Variants in HMGCLL1 observed in about 807,000 individuals in gnomAD.
The protein encoded by HMGCLL1 is 3-hydroxy-3-methylglutaryl-CoA lyase like 1, also known as 3-hydroxymethyl-3-methylglutaryl-CoA lyase, cytoplasmic.
HMGCLL1 carries 36 observed loss-of-function variants against 39.1 expected under a neutral mutation model. The ratio of observed to expected loss-of-function variants is 0.92; its 90% confidence interval spans 0.71 to 1.22. HMGCLL1 has a LOEUF of 1.22. Among genes scored for constraint, HMGCLL1 ranks in the 50% most tolerant of loss-of-function variants. The pLI is 0.00. For missense variants in HMGCLL1, 451 were observed against 416.5 expected, an observed-to-expected ratio of 1.08 and a Z score of -0.72; for synonymous variants, 149 against 144.0, an observed-to-expected ratio of 1.03 and a Z score of -0.25.
rs181135747 is a variant in HMGCLL1, at chr6:55,478,173, T to C, written c.795+17246A>G. Among the ~76,000 whole-genome samples the C allele has an allele frequency of 4.2e-3, 640 of 151,182 alleles. 28 individuals carry two copies. Among genetic ancestry groups the C allele is most frequent in the African/African-American group, 0.015 (603 of 40,910 alleles). ...TTCAAATATGTTGGCATAACCTTTT[T>C]ACAATAATCTCTTGTTACATTTTGA... On this transcript the variant is annotated intron_variant, in intron 7 of 8. Coordinates refer to ENST00000274901, the MANE Select transcript of HMGCLL1 (RefSeq NM_001042406.2).
chr6:55,596,394 A>G, the HMGCLL1 span, among the ~76,000 whole-genome samples: 10 of 152,196 alleles, frequency 6.6e-5, no homozygotes, highest in Non-Finnish European at 1.3e-4. Context: ...AATTAGCACC[A>G]AAGGCTTCAG....
chr6:55,617,630 G>A, the HMGCLL1 span, among the ~76,000 whole-genome samples: 1 of 152,040 alleles, frequency 6.6e-6, no homozygotes, highest in Non-Finnish European at 1.5e-5. Flanking sequence ...ATTAAACACC[G>A]TTGGTTGGCG....
the HMGCLL1 span, among the ~76,000 whole-genome samples, chr6:55,638,633 TC>T: frequency 6.6e-6 from 1 of 152,118 alleles, no homozygotes; most frequent in Non-Finnish European, 1.5e-5. Flanking sequence ...GTTTTGAAAG[TC>T]ATGTTGTCTT....
Position 55,480,928 on chromosome 6 carries a change from A to C in HMGCLL1, c.795+14491T>G, listed in dbSNP as rs911708838. 4.6e-5 allele frequency among the ~76,000 whole-genome samples: 7 copies of C among 152,286 alleles called. No homozygotes were observed. The East Asian group carries it at 1.4e-3, about 29-fold the overall frequency. ...TCTCACTTACTTGTGGGAGCTAAAA[A>C]TTAAAACAATTGAGCTCATAGAGAT... is the stretch of plus-strand genomic sequence containing the variant. On this transcript the variant is annotated intron_variant, in intron 7 of 8. Transcript: ENST00000274901.
intron 3 of HMGCLL1, among the ~76,000 whole-genome samples, chr6:55,535,598 T>G (rs939198767): frequency 6.6e-6 from 1 of 152,136 alleles, no homozygotes; most frequent in Non-Finnish European, 1.5e-5. Flanking sequence ...TAATTTGGTT[T>G]AAGTCTCCCT....
chr6:55,461,532 G>A (rs1764566113), intron 7 of HMGCLL1, among the ~76,000 whole-genome samples: 1 of 151,990 alleles, frequency 6.6e-6, no homozygotes, highest in Admixed American at 6.6e-5. Context: ...CTTGGAATAA[G>A]GTAAGAACAA....
At chr6:55,548,437 A>C (rs1439598562) in intron 1 of HMGCLL1, among the ~76,000 whole-genome samples, 1 of 152,104 alleles carries the variant, frequency 6.6e-6, no homozygotes, top group Admixed American at 6.6e-5. Flanking sequence ...GAACACTTGA[A>C]TCAATCAAGA....
chr6:55,524,015 T>C (rs1405684071), intron 3 of HMGCLL1, among the ~76,000 whole-genome samples: 1 of 152,010 alleles, frequency 6.6e-6, no homozygotes, highest in Admixed American at 6.6e-5. Context: ...GTGTGAAGTG[T>C]GCAAAACTGT....
At chr6:55,441,992 G>T (rs9382492) in intron 7 of HMGCLL1, among the ~76,000 whole-genome samples, 17,588 of 152,018 alleles carry the variant, frequency 0.12, 1,055 homozygotes, top group East Asian at 0.2. Context: ...CTTCAACTTG[G>T]GTTTGTCTAA....
At position 55,542,114 on chromosome 6, in the gene HMGCLL1, AG is replaced by A; in HGVS notation, c.134del (p.Pro45LeufsTer6). 1 of 1,610,218 alleles carries A rather than the reference AG, an allele frequency of 6.2e-7. No individual in the cohort carries two copies. The highest frequency in any genetic ancestry group is 1.3e-5 in the African/African-American group (1 of 74,916). On this transcript the variant is annotated frameshift_variant, in exon 2 of 9. Coordinates refer to ENST00000274901, the MANE Select transcript of HMGCLL1 (RefSeq NM_001042406.2). LOFTEE classifies it high-confidence loss of function. Reference sequence around the variant, plus strand: ...CAACTTCTACTATTTTAACAAACTCAGGGAGTCCAGATAACTGGGATGTTTC... The same window carrying A: ...CAACTTCTACTATTTTAACAAACTCAGGAGTCCAGATAACTGGGATGTTTC... Reference protein sequence around the residue: ...AQETSQLSGLPEFVKIVEVGP... With the variant: ...AQETSQLSGLXEFVKIVEVGP...
At chr6:55,632,068 A>T in the HMGCLL1 span, among the ~76,000 whole-genome samples, 1 of 152,112 alleles carries the variant, frequency 6.6e-6, no homozygotes, top group Non-Finnish European at 1.5e-5. Context: ...TTTTAAGTGA[A>T]GTCATGAGTG....
chr6:55,472,197 G>A (rs772239654), intron 7 of HMGCLL1, among the ~76,000 whole-genome samples: 1 of 151,604 alleles, frequency 6.6e-6, no homozygotes, highest in Non-Finnish European at 1.5e-5. Flanking sequence ...TCTAATGTAT[G>A]CATGTTTTAC....
At chr6:55,638,996 A>G in the HMGCLL1 span, among the ~76,000 whole-genome samples, 1 of 152,156 alleles carries the variant, frequency 6.6e-6, no homozygotes, top group African/African-American at 2.4e-5. Flanking sequence ...ATATTTACAC[A>G]TCTGACAGAT....
the HMGCLL1 span, among the ~76,000 whole-genome samples, chr6:55,637,756 CTGTG>C: frequency 1.4e-5 from 2 of 143,960 alleles, no homozygotes; most frequent in Non-Finnish European, 3.1e-5. Context: ...CTGTGTGTGT[CTGTG>C]TGTGTGTGTT....
At chr6:55,657,078 C>A in the HMGCLL1 span, among the ~76,000 whole-genome samples, 25 of 151,868 alleles carry the variant, frequency 1.6e-4, no homozygotes, top group Non-Finnish European at 4.4e-5. Context: ...TGTTTAAGTT[C>A]CTTACAGATG....
the HMGCLL1 span, among the ~76,000 whole-genome samples, chr6:55,665,696 A>G: frequency 6.6e-6 from 1 of 151,768 alleles, no homozygotes; most frequent in African/African-American, 2.4e-5. Flanking sequence ...ACATTACTGC[A>G]AAGTCATCTG....
intron 3 of HMGCLL1, among the ~76,000 whole-genome samples, chr6:55,529,139 T>C (rs1456035432): frequency 1.3e-5 from 2 of 152,126 alleles, no homozygotes; most frequent in Non-Finnish European, 2.9e-5. Flanking sequence ...CCTCCTGGTC[T>C]TCCCATGTCA....
chr6:55,573,289 C>T (rs1771609216), intron 1 of HMGCLL1, among the ~76,000 whole-genome samples: 1 of 152,118 alleles, frequency 6.6e-6, no homozygotes, highest in Non-Finnish European at 1.5e-5. Flanking sequence ...TATTCAGAGT[C>T]TCAAATTACA....
At chr6:55,622,340 G>C in the HMGCLL1 span, among the ~76,000 whole-genome samples, 1 of 151,950 alleles carries the variant, frequency 6.6e-6, no homozygotes, top group South Asian at 2.1e-4. Context: ...CATCCTCGCT[G>C]TGTTCCAGAT....
Sources: gnomAD v4.1 joint callset for allele counts (sites outside exome capture counted in the v4.1 genomes callset) on GRCh38, gnomAD v4.1.1 for gene constraint, MANE v1.5 for transcripts, NCBI Gene and HGNC (gene_info 2026-07-23, HGNC 2026-07-21) for gene names.